The following LRRC4C variants were observed in gnomAD, a reference collection of about 807,000 sequenced individuals.
LRRC4C encodes the protein leucine rich repeat containing 4C, also known as leucine-rich repeat-containing protein 4C.
Under a neutral mutation model 33.6 loss-of-function variants are expected in LRRC4C, and 5 were observed. The ratio of observed to expected loss-of-function variants is 0.15; its 90% CI spans 0.08 to 0.31. The LOEUF (loss-of-function observed/expected upper bound fraction) is 0.31. Among genes scored for constraint, LRRC4C ranks in the 10% least tolerant of loss-of-function variants. The pLI is 1.00. For missense variants in LRRC4C, 560 were observed against 796.7 expected (o/e 0.70, Z 3.58); for synonymous variants, 329 against 302.0 (o/e 1.09, Z -0.93).
In LRRC4C at chr11:40,412,015, T is replaced by C. The variant is rs1169996783; in HGVS notation, c.-269-92294A>G. Among the ~76,000 whole-genome samples, 5 of 152,134 alleles carry C rather than the reference T, an allele frequency of 3.3e-5. No homozygotes were observed. In the East Asian group the frequency reaches 9.7e-4, roughly 29 times the overall value. ...GTTAAAAATATATGAAAATACTGATTTTTTCAAATAACATACAGCTTTTTT... is the reference window on the plus strand; with the variant it reads ...GTTAAAAATATATGAAAATACTGATCTTTTCAAATAACATACAGCTTTTTT... On this transcript the variant is annotated intron_variant, in intron 3 of 6. Coordinates refer to ENST00000528697, the MANE Select transcript of LRRC4C (RefSeq NM_001258419.2).
chr11:40,509,331 T>C (rs59778969), intron 3 of LRRC4C, among the ~76,000 whole-genome samples: 9,829 of 152,162 alleles, frequency 0.065, 836 homozygotes, highest in African/African-American at 0.2. Context: ...ATAGGAAAGC[T>C]TGAAAATTGT....
intron 2 of LRRC4C, among the ~76,000 whole-genome samples, chr11:40,776,353 T>C (rs1459201330): frequency 6.6e-6 from 1 of 152,010 alleles, no homozygotes; most frequent in East Asian, 1.9e-4. Context: ...TGTGAATCCA[T>C]CTGGTCTAGG....
chr11:41,028,739 C>G (rs1310745218), intron 1 of LRRC4C, among the ~76,000 whole-genome samples: 1 of 151,528 alleles, frequency 6.6e-6, no homozygotes. Flanking sequence ...TTTTCTGACT[C>G]TTTATTCATG....
At chr11:40,567,585 C>T (rs114897019) in intron 3 of LRRC4C, among the ~76,000 whole-genome samples, 1,590 of 152,216 alleles carry the variant, frequency 0.01, 33 homozygotes, top group African/African-American at 0.036. Context: ...TTTCCATAAA[C>T]AGAGATAAGA....
At chr11:40,442,076 C>T (rs926549811) in intron 3 of LRRC4C, among the ~76,000 whole-genome samples, 10 of 133,418 alleles carry the variant, frequency 7.5e-5, no homozygotes, top group South Asian at 2.4e-4. Flanking sequence ...GGCAGGAGAA[C>T]GGTGTGAACC....
At chr11:41,214,303 T>A (rs1946941789) in intron 1 of LRRC4C, among the ~76,000 whole-genome samples, 1 of 151,992 alleles carries the variant, frequency 6.6e-6, no homozygotes, top group South Asian at 2.1e-4. Context: ...TGCTAGTGAC[T>A]CCCTGAAGTA....
chr11:40,421,640 A>G (rs796297510), intron 3 of LRRC4C, among the ~76,000 whole-genome samples: 7 of 152,258 alleles, frequency 4.6e-5, no homozygotes, highest in African/African-American at 1.4e-4. Context: ...CCACTCATCG[A>G]CCCACAACTT....
intron 3 of LRRC4C, among the ~76,000 whole-genome samples, chr11:40,474,115 T>A (rs1953083143): frequency 1.3e-5 from 2 of 152,060 alleles, no homozygotes; most frequent in African/African-American, 4.8e-5. Flanking sequence ...TTAAATTTCA[T>A]ACAAAACCAA....
intron 3 of LRRC4C, among the ~76,000 whole-genome samples, chr11:40,345,606 A>G (rs1947090615): frequency 6.6e-6 from 1 of 152,164 alleles, no homozygotes; most frequent in Admixed American, 6.5e-5. Flanking sequence ...CTGACAAATA[A>G]CATAAGAATT....
At chr11:40,385,204 G>C (rs1456483210) in intron 3 of LRRC4C, among the ~76,000 whole-genome samples, 1 of 152,108 alleles carries the variant, frequency 6.6e-6, no homozygotes, top group Non-Finnish European at 1.5e-5. Flanking sequence ...GGTGATGTCT[G>C]AAATTTTCCT....
chr11:40,957,417 T>A (rs965312270), intron 1 of LRRC4C, among the ~76,000 whole-genome samples: 1 of 151,754 alleles, frequency 6.6e-6, no homozygotes, highest in African/African-American at 2.4e-5. Flanking sequence ...CCATGTGTTT[T>A]ACAGATATAT....
At chr11:40,225,473 G>A (rs1157404148) in intron 5 of LRRC4C, among the ~76,000 whole-genome samples, 2 of 152,146 alleles carry the variant, frequency 1.3e-5, no homozygotes, top group Admixed American at 6.5e-5. Flanking sequence ...ATCTGGAAGT[G>A]TGACTATCAT....
At chr11:40,162,888 G>C (rs889616805) in intron 5 of LRRC4C, among the ~76,000 whole-genome samples, 1 of 152,198 alleles carries the variant, frequency 6.6e-6, no homozygotes, top group Non-Finnish European at 1.5e-5. Flanking sequence ...ATTTTCATGA[G>C]ATAGGATTTA....
At chr11:41,075,508 T>A (rs1322596859) in intron 1 of LRRC4C, among the ~76,000 whole-genome samples, 2 of 152,108 alleles carry the variant, frequency 1.3e-5, no homozygotes, top group Non-Finnish European at 2.9e-5. Flanking sequence ...CAAGGCCTTC[T>A]TTCCTGCAAT....
intron 2 of LRRC4C, among the ~76,000 whole-genome samples, chr11:40,923,005 A>C (rs1363731743): frequency 1.3e-5 from 2 of 152,114 alleles, no homozygotes. Context: ...TTGTATTTTT[A>C]GTAGAGACAG....
intron 5 of LRRC4C, among the ~76,000 whole-genome samples, chr11:40,203,840 T>A (rs1045400663): frequency 6.6e-6 from 1 of 152,206 alleles, no homozygotes; most frequent in Non-Finnish European, 1.5e-5. Context: ...ATGGAATTCC[T>A]TGTGAGCTGC....
intron 1 of LRRC4C, among the ~76,000 whole-genome samples, chr11:41,228,902 C>A (rs1282125749): frequency 6.6e-6 from 1 of 152,024 alleles, no homozygotes; most frequent in Non-Finnish European, 1.5e-5. Flanking sequence ...ACATTGGAGT[C>A]CTTCTCCAAG....
chr11:41,380,290 T>C (rs1591388942), intron 1 of LRRC4C, among the ~76,000 whole-genome samples: 1 of 152,304 alleles, frequency 6.6e-6, no homozygotes, highest in African/African-American at 2.4e-5. Context: ...GGAAGAATTG[T>C]ATCAAGAATC....
intron 2 of LRRC4C, among the ~76,000 whole-genome samples, chr11:40,686,598 A>G (rs1944967368): frequency 6.6e-6 from 1 of 152,102 alleles, no homozygotes; most frequent in East Asian, 1.9e-4. Context: ...GTGTGACCTG[A>G]AGTGGCTGTA....
Sources: gnomAD v4.1 joint callset for allele counts (sites outside exome capture counted in the v4.1 genomes callset) on GRCh38, gnomAD v4.1.1 for gene constraint, MANE v1.5 for transcripts, NCBI Gene and HGNC (gene_info 2026-07-23, HGNC 2026-07-21) for gene names.